STXBP4: variants seen among roughly 807,000 people sequenced by gnomAD.
STXBP4 encodes the protein syntaxin-binding protein 4.
A neutral mutation model predicts 76.1 loss-of-function variants in STXBP4; 55 were observed. That is an observed-to-expected ratio of 0.72 (90% confidence interval 0.58 to 0.91). The LOEUF is 0.91. STXBP4 is among the 40% of genes least tolerant of loss of function. The pLI is 0.00. For synonymous variants in STXBP4, 201 were observed against 220.2 expected, an observed-to-expected ratio of 0.91 and a Z score of 0.77; for missense variants, 618 against 636.9, an observed-to-expected ratio of 0.97 and a Z score of 0.32.
At chr17:55,087,326 C>T (rs930838870) in intron 16 of STXBP4, among the ~76,000 whole-genome samples, 54 of 152,154 alleles carry the variant, frequency 3.5e-4, no homozygotes, top group African/African-American at 1.3e-3. Flanking sequence ...TTTGAGGTCT[C>T]ATTCATAAAA....
At chr17:54,982,335 A>G (rs560872953) in intron 1 of STXBP4, among the ~76,000 whole-genome samples, 7 of 152,276 alleles carry the variant, frequency 4.6e-5, no homozygotes, top group African/African-American at 1.7e-4. Context: ...TGGGATGAAG[A>G]TTGTTTTAAT....
chr17:55,018,044 G>A (rs1339662503), intron 8 of STXBP4, among the ~76,000 whole-genome samples: 2 of 152,036 alleles, frequency 1.3e-5, no homozygotes, highest in Non-Finnish European at 2.9e-5. Flanking sequence ...GTGGTGGGCC[G>A]CTTCCAAGAT....
At chr17:55,051,915 C>T (rs2078864821) in intron 12 of STXBP4, among the ~76,000 whole-genome samples, 1 of 151,986 alleles carries the variant, frequency 6.6e-6, no homozygotes, top group Admixed American at 6.6e-5. Context: ...TGTTCCTCAA[C>T]ACAATGGGGC....
At chr17:55,060,716 C>T (rs1055378398) in intron 12 of STXBP4, among the ~76,000 whole-genome samples, 3 of 152,070 alleles carry the variant, frequency 2.0e-5, no homozygotes, top group South Asian at 2.1e-4. Context: ...ACAGAATAAC[C>T]GAGCTTAAGT....
chr17:55,012,356 G>C (rs2078130968), intron 8 of STXBP4, among the ~76,000 whole-genome samples: 2 of 152,104 alleles, frequency 1.3e-5, no homozygotes, highest in African/African-American at 4.8e-5. Context: ...CCCATAGTAG[G>C]GTTCCTTCTA....
chr17:55,058,568 T>G (rs1446174661), intron 12 of STXBP4, among the ~76,000 whole-genome samples: 1 of 152,204 alleles, frequency 6.6e-6, no homozygotes, highest in Non-Finnish European at 1.5e-5. Flanking sequence ...ATCATAAGTT[T>G]GGACACCCTT....
chr17:54,976,673 C>T (rs1461386300), intron 1 of STXBP4, among the ~76,000 whole-genome samples: 2 of 152,166 alleles, frequency 1.3e-5, no homozygotes, highest in Admixed American at 1.3e-4. Flanking sequence ...TACCTCCTGT[C>T]AGATCAGTGG....
intron 17 of STXBP4, among the ~76,000 whole-genome samples, chr17:55,159,358 T>C (rs2080315681): frequency 6.6e-6 from 1 of 152,216 alleles, no homozygotes; most frequent in Non-Finnish European, 1.5e-5. Flanking sequence ...TAACAGCGTA[T>C]GATTTGTCAT....
At chr17:54,978,089 G>A (rs969493989) in intron 1 of STXBP4, among the ~76,000 whole-genome samples, 4 of 152,258 alleles carry the variant, frequency 2.6e-5, no homozygotes, top group African/African-American at 9.6e-5. Context: ...TGATCTTAGA[G>A]GTGGACGTAT....
intron 8 of STXBP4, among the ~76,000 whole-genome samples, chr17:55,023,968 A>C (rs1020429155): frequency 1.3e-5 from 2 of 151,600 alleles, no homozygotes; most frequent in Admixed American, 1.3e-4. Context: ...GCTCCAACCC[A>C]AGGAAAATAC....
chr17:55,129,155 C>T (rs891878079), intron 16 of STXBP4, among the ~76,000 whole-genome samples: 1 of 151,460 alleles, frequency 6.6e-6, no homozygotes, highest in African/African-American at 2.4e-5. Flanking sequence ...GTCTCGATCT[C>T]TTCACCTTGT....
At chr17:55,072,310 G>T (rs1024232171) in intron 12 of STXBP4, among the ~76,000 whole-genome samples, 6 of 152,176 alleles carry the variant, frequency 3.9e-5, no homozygotes, top group African/African-American at 1.2e-4. Context: ...ATGCACCTGA[G>T]ACATAACATG....
the STXBP4 span, among the ~76,000 whole-genome samples, chr17:55,204,044 C>T: frequency 3.7e-4 from 56 of 151,926 alleles, no homozygotes; most frequent in East Asian, 0.011. Context: ...TTCTTCTGTT[C>T]TATTTTATTT....
intron 4 of STXBP4, among the ~76,000 whole-genome samples, chr17:54,992,964 C>T (rs1031272586): frequency 7.2e-5 from 11 of 152,114 alleles, no homozygotes; most frequent in Non-Finnish European, 1.5e-5. Flanking sequence ...CCATCCGCCT[C>T]AGCCTCCCAA....
intron 1 of STXBP4, among the ~76,000 whole-genome samples, chr17:54,975,409 AATATAG>A (rs1051329945): frequency 6.6e-6 from 1 of 152,180 alleles, no homozygotes; most frequent in African/African-American, 2.4e-5. Context: ...AATAGATATA[AATATAG>A]ATAGAGATGC....
At chr17:55,159,244 T>G (rs1567786448) in intron 17 of STXBP4, among the ~76,000 whole-genome samples, 1 of 151,762 alleles carries the variant, frequency 6.6e-6, no homozygotes. Flanking sequence ...GGACTCTGTC[T>G]CAAATACATA....
intron 16 of STXBP4, among the ~76,000 whole-genome samples, chr17:55,113,660 T>A (rs2079749176): frequency 6.6e-6 from 1 of 152,182 alleles, no homozygotes; most frequent in African/African-American, 2.4e-5. Context: ...AACTTTATTT[T>A]TGTTATTTTG....
At chr17:55,091,172 T>A (rs1319572551) in intron 16 of STXBP4, among the ~76,000 whole-genome samples, 5 of 150,936 alleles carry the variant, frequency 3.3e-5, no homozygotes, top group African/African-American at 1.2e-4. Flanking sequence ...CTGCCACTAA[T>A]TAAAGTTGAA....
chr17:55,081,124 C>T lies in STXBP4; in HGVS notation c.1430C>T (p.Thr477Met), dbSNP rs143730464. 68 of 1,554,952 alleles carry T rather than the reference C, an allele frequency of 4.4e-5. No homozygotes were observed. In the Middle Eastern group the frequency reaches 8.4e-4, roughly 19 times the overall value. The change falls in exon 16 of 18, where the codon ACG becomes ATG. Residue 477 changes from threonine to methionine, a missense_variant. Coordinates refer to ENST00000376352, the MANE Select transcript of STXBP4 (RefSeq NM_178509.6). ...AGGAATGGACGTAGCATCCCAGCAA[C>T]GCTGGCGCTTGAATCTAAGGAACTT... ...LGRNGRSIPA[T>M]LALESKELVK...
Sources: allele counts gnomAD v4.1 joint callset (sites outside exome capture counted in the v4.1 genomes callset), GRCh38; gene constraint gnomAD v4.1.1; transcripts MANE v1.5; gene names NCBI Gene and HGNC (gene_info 2026-07-23, HGNC 2026-07-21).